The following RPGRIP1L variants were observed in gnomAD, a reference collection of about 807,000 sequenced individuals.
The protein encoded by RPGRIP1L is protein fantom.
Under a neutral mutation model 160.4 loss-of-function variants are expected in RPGRIP1L, and 131 were observed. The ratio of observed to expected loss-of-function variants is 0.82; its 90% CI spans 0.71 to 0.94. The LOEUF is 0.94. Among genes scored for constraint, RPGRIP1L ranks in the 40% least tolerant of loss-of-function variants. The pLI, the probability that RPGRIP1L is intolerant of heterozygous loss-of-function variation, is 0.00. For synonymous variants in RPGRIP1L, 510 were observed against 515.8 expected (o/e 0.99, Z 0.15); for missense variants, 1,522 against 1,535.8 (o/e 0.99, Z 0.15).
intron 18 of RPGRIP1L, 70 bp downstream of exon 18, chr16:53,641,215 C>T: frequency 6.7e-7 from 1 of 1,501,892 alleles, no homozygotes. Context: ...GTGGGGGTGG[C>T]AGCTTAGTTC....
intron 26 of RPGRIP1L, among the ~76,000 whole-genome samples, chr16:53,603,329 G>C (rs1216047377): frequency 6.6e-6 from 1 of 152,134 alleles, no homozygotes; most frequent in African/African-American, 2.4e-5. Flanking sequence ...TCTTCATATA[G>C]TTTCTGTTTT....
intron 25 of RPGRIP1L, 29 bp from the exon 26 acceptor site, chr16:53,605,643 C>T (rs780485852): frequency 1.2e-6 from 2 of 1,612,702 alleles, no homozygotes; most frequent in South Asian, 2.2e-5. Context: ...GAGAAAGTCA[C>T]CACCAAGTGA....
At chr16:53,631,349 T>C (rs1298822542) in intron 22 of RPGRIP1L, among the ~76,000 whole-genome samples, 2 of 152,044 alleles carry the variant, frequency 1.3e-5, no homozygotes, top group Non-Finnish European at 2.9e-5. Context: ...CTGCTAGGAG[T>C]AGGAACAGAG....
At chr16:53,676,526 A>C (rs933197489) in intron 6 of RPGRIP1L, among the ~76,000 whole-genome samples, 1 of 152,196 alleles carries the variant, frequency 6.6e-6, no homozygotes, top group Non-Finnish European at 1.5e-5. Context: ...GCAGTGAATG[A>C]CATTTATTGA....
At chr16:53,678,251 A>T (rs1054330500) in intron 6 of RPGRIP1L, among the ~76,000 whole-genome samples, 3 of 152,066 alleles carry the variant, frequency 2.0e-5, no homozygotes, top group South Asian at 2.1e-4. Flanking sequence ...ATTAGATTTC[A>T]TGTCCAAAAA....
chr16:53,664,381 T>C (rs781087755), intron 10 of RPGRIP1L, among the ~76,000 whole-genome samples: 155 of 152,296 alleles, frequency 1.0e-3, no homozygotes, highest in Middle Eastern at 3.4e-3. Flanking sequence ...AGCTACTATT[T>C]CTGCCACTCT....
intron 2 of RPGRIP1L, among the ~76,000 whole-genome samples, chr16:53,699,581 G>A (rs1431034133): frequency 1.3e-5 from 2 of 152,044 alleles, no homozygotes; most frequent in African/African-American, 4.8e-5. Context: ...CAAGTTATTT[G>A]TATAATACTT....
intron 24 of RPGRIP1L, among the ~76,000 whole-genome samples, chr16:53,615,273 C>T (rs552219380): frequency 2.6e-5 from 4 of 152,076 alleles, no homozygotes; most frequent in African/African-American, 7.2e-5. Context: ...CTTTATTCAG[C>T]CCAGACAACA....
In RPGRIP1L at chr16:53,658,781, C is replaced by T. The variant is rs61743997; in HGVS notation, c.1341G>A (p.Leu447=). 35,362 of 1,591,368 alleles carry T rather than the reference C, an allele frequency of 0.022. 502 individuals carry two copies. Among genetic ancestry groups the T allele is most frequent in the South Asian group, 0.04 (3,569 of 89,252 alleles). ...QLDELKKRIK[L]YNQENDINAD... ...TAAGGAAATAATTCACCTGGTTGTA[C>T]AATTTTATGCGTTTTTTAAGTTCAT... Residue 447 remains leucine (L), a synonymous_variant, in exon 11 of 27, where the codon TTG becomes TTA. Coordinates refer to ENST00000647211, the MANE Select transcript of RPGRIP1L (RefSeq NM_015272.5).
At chr16:53,628,506 T>C (rs1162176268) in intron 22 of RPGRIP1L, 1 of 152,170 alleles carries the variant, frequency 6.6e-6, no homozygotes, top group African/African-American at 2.4e-5. Flanking sequence ...CCTCTTACAT[T>C]GTGCATCAAA....
chr16:53,655,245 AT>A (rs200817086), intron 14 of RPGRIP1L, among the ~76,000 whole-genome samples: 1 of 152,164 alleles, frequency 6.6e-6, no homozygotes, highest in African/African-American at 2.4e-5. Flanking sequence ...TTCTTGAAGT[AT>A]TTTTTTGTTT....
In RPGRIP1L at chr16:53,645,861, A is replaced by C; in HGVS notation, c.2447T>G (p.Val816Gly). 1 of 1,614,152 alleles carries C rather than the reference A, an allele frequency of 6.2e-7. No homozygotes were observed. The highest frequency in any genetic ancestry group is 8.5e-7 in the Non-Finnish European group (1 of 1,180,016). Residue 816 changes from valine (V) to glycine (G), a missense_variant, in exon 17 of 27, where the codon GTG becomes GGG. Val to Gly is a moderately radical substitution (Grantham distance 109, BLOSUM62 -3). Coordinates refer to ENST00000647211, the MANE Select transcript of RPGRIP1L (RefSeq NM_015272.5). ...GTCTGCAAAATCAAAAAACTTGTAC[A>C]CAACATATGGGTGTGGCTGCAGGTG... ...ASHLQPHPYVVYKFFDFADHD... is the reference protein window; with the variant it reads ...ASHLQPHPYVGYKFFDFADHD...
chr16:53,668,965 T>A (rs1968496466), intron 9 of RPGRIP1L, among the ~76,000 whole-genome samples: 1 of 152,184 alleles, frequency 6.6e-6, no homozygotes, highest in Non-Finnish European at 1.5e-5. Flanking sequence ...AAAATTTATT[T>A]GAAAAAGAAA....
chr16:53,609,362 T>A (rs1429197062), intron 25 of RPGRIP1L, among the ~76,000 whole-genome samples: 1 of 152,184 alleles, frequency 6.6e-6, no homozygotes, highest in Non-Finnish European at 1.5e-5. Context: ...CCTCCCAAAG[T>A]GCTGGGATTA....
intron 8 of RPGRIP1L, among the ~76,000 whole-genome samples, 197 bp from the exon 9 acceptor site, chr16:53,671,780 C>T (rs551532081): frequency 2.0e-5 from 3 of 152,186 alleles, no homozygotes; most frequent in Middle Eastern, 3.4e-3. Flanking sequence ...GTTAAATAAA[C>T]GTGAAATTAA....
chr16:53,608,270 C>A (rs1234276546), intron 25 of RPGRIP1L, among the ~76,000 whole-genome samples: 1 of 152,198 alleles, frequency 6.6e-6, no homozygotes, highest in Non-Finnish European at 1.5e-5. Flanking sequence ...TTACGTGTCA[C>A]CTCCTCAGAT....
chr16:53,619,302 C>T, intron 23 of RPGRIP1L, 94 bp from the exon 24 acceptor site: 1 of 1,154,002 alleles, frequency 8.7e-7, no homozygotes, highest in Non-Finnish European at 1.3e-6. Context: ...TTAAATAAAA[C>T]ACGAAGGCCA....
Position 53,652,933 on chromosome 16 carries a change from A to G in RPGRIP1L, c.1754T>C (p.Ile585Thr), listed in dbSNP as rs1423101482. The change falls in exon 15 of 27, where the codon ATC (isoleucine) becomes ACC (threonine). Residue 585 changes from isoleucine to threonine, a missense_variant. Coordinates refer to ENST00000647211, the MANE Select transcript of RPGRIP1L (RefSeq NM_015272.5). ...GTKQYKFKPE[I>T]MPDDSVDEFD... ...TTCATCAACAGAGTCATCTGGCATG[A>G]TTTCTGGTTTAAATTTGTACTGCTT... The G allele has an allele frequency of 6.2e-7, 1 of 1,613,670 alleles. No homozygotes were observed. Among genetic ancestry groups the G allele is most frequent in the Non-Finnish European group, 8.5e-7 (1 of 1,179,932 alleles).
At position 53,653,339 on chromosome 16, in the gene RPGRIP1L, T is replaced by G; in HGVS notation, c.1700-352A>C. The G allele has an allele frequency of 2.7e-6, 3 of 1,091,344 alleles. No homozygotes were observed. The South Asian group carries it at 8.4e-5, about 31-fold the overall frequency. 67.6% of individuals were successfully genotyped at this position (1,091,344 alleles called of 1,614,324 possible). On this transcript the variant is annotated intron_variant, in intron 14 of 26. Coordinates refer to ENST00000647211, the MANE Select transcript of RPGRIP1L (RefSeq NM_015272.5). ...CTGCTCCACCCATTGTCTTCACTCC[T>G]ATAAAGTCAGTCTCTCTTTCTGCTG...
Sources: allele counts gnomAD v4.1 joint callset (sites outside exome capture counted in the v4.1 genomes callset), GRCh38; gene constraint gnomAD v4.1.1; transcripts MANE v1.5; gene names NCBI Gene and HGNC (gene_info 2026-07-23, HGNC 2026-07-21).